The following LOC400499 variants were observed in gnomAD, a reference collection of about 807,000 sequenced individuals.
At chr16:11,478,420 G>A in the LOC400499 span, 26 of 397,924 alleles carry the variant, frequency 6.5e-5, no homozygotes, top group Non-Finnish European at 7.1e-5. Context: ...GGAGGTAAAC[G>A]GAAGAGCTGG....
the LOC400499 span, among the ~76,000 whole-genome samples, chr16:11,374,179 G>C: frequency 6.6e-6 from 1 of 152,184 alleles, no homozygotes; most frequent in Non-Finnish European, 1.5e-5. Context: ...CTGTGGGTCT[G>C]TGTCTATTGC....
the LOC400499 span, among the ~76,000 whole-genome samples, chr16:11,495,059 A>G: frequency 1.3e-5 from 2 of 152,066 alleles, no homozygotes; most frequent in African/African-American, 4.8e-5. Flanking sequence ...AAACACAAAA[A>G]TTAGCCGAGC....
the LOC400499 span, among the ~76,000 whole-genome samples, chr16:11,444,499 C>T: frequency 3.9e-5 from 6 of 152,160 alleles, no homozygotes; most frequent in African/African-American, 1.4e-4. Flanking sequence ...CAGCCACGCC[C>T]GTTCATTACG....
chr16:11,424,846 G>C, the LOC400499 span, among the ~76,000 whole-genome samples: 1 of 152,164 alleles, frequency 6.6e-6, no homozygotes, highest in Non-Finnish European at 1.5e-5. Context: ...AGCTGTCCCA[G>C]GGAATTGGGG....
At chr16:11,422,286 C>T in the LOC400499 span, among the ~76,000 whole-genome samples, 1 of 152,108 alleles carries the variant, frequency 6.6e-6, no homozygotes, top group Non-Finnish European at 1.5e-5. Context: ...CCTGTAATCC[C>T]ACCTACCTGG....
the LOC400499 span, among the ~76,000 whole-genome samples, chr16:11,393,912 C>G: frequency 6.6e-6 from 1 of 152,152 alleles, no homozygotes. Context: ...AACCCTGTCT[C>G]TACCAAAAAT....
chr16:11,493,447 G>A, the LOC400499 span, among the ~76,000 whole-genome samples: 1 of 152,154 alleles, frequency 6.6e-6, no homozygotes, highest in Non-Finnish European at 1.5e-5. Flanking sequence ...ATATGGTTGT[G>A]TTTTTGATAA....
At chr16:11,448,068 C>A in the LOC400499 span, 28 of 1,534,496 alleles carry the variant, frequency 1.8e-5, 1 homozygote, top group Admixed American at 5.3e-4. Context: ...CCTGGGTCTT[C>A]CGGGGCTGCA....
the LOC400499 span, among the ~76,000 whole-genome samples, chr16:11,492,748 G>A: frequency 0.012 from 1,786 of 151,106 alleles, 16 homozygotes; most frequent in Non-Finnish European, 0.017. Context: ...TGGTGACACC[G>A]CACTCCAGCC....
chr16:11,456,457 C>G, the LOC400499 span, among the ~76,000 whole-genome samples: 1 of 152,100 alleles, frequency 6.6e-6, no homozygotes, highest in Non-Finnish European at 1.5e-5. Flanking sequence ...TCTGAGCCTG[C>G]AGGATAACGA....
chr16:11,433,700 G>C, the LOC400499 span, among the ~76,000 whole-genome samples: 1 of 152,116 alleles, frequency 6.6e-6, no homozygotes, highest in Non-Finnish European at 1.5e-5. Flanking sequence ...AAGGGGAGAG[G>C]GGCTAGAGGT....
the LOC400499 span, chr16:11,449,002 G>T: frequency 2.0e-5 from 30 of 1,524,498 alleles, no homozygotes; most frequent in East Asian, 6.4e-4. Context: ...TTACGGTCCC[G>T]GCTGTTCTCA....
chr16:11,423,550 A>C, the LOC400499 span, among the ~76,000 whole-genome samples: 1 of 152,262 alleles, frequency 6.6e-6, no homozygotes, highest in Admixed American at 6.5e-5. Flanking sequence ...CACGCAAGTC[A>C]GGGAAAGAGG....
At chr16:11,472,888 G>C in the LOC400499 span, 1 of 152,114 alleles carries the variant, frequency 6.6e-6, no homozygotes, top group African/African-American at 2.4e-5. Context: ...AGAACTGTGG[G>C]AGGCCAAGGC....
the LOC400499 span, chr16:11,391,727 G>A: frequency 1.6e-6 from 2 of 1,232,160 alleles, no homozygotes; most frequent in African/African-American, 1.6e-5. Flanking sequence ...AAAGAGGCAG[G>A]TGCTGGGTCA....
At chr16:11,493,060 G>A in the LOC400499 span, among the ~76,000 whole-genome samples, 108 of 152,310 alleles carry the variant, frequency 7.1e-4, no homozygotes, top group East Asian at 0.018. Flanking sequence ...AAAGGGCAAT[G>A]TGCTGGGGAG....
chr16:11,430,372 C>A, the LOC400499 span, among the ~76,000 whole-genome samples: 5 of 152,040 alleles, frequency 3.3e-5, no homozygotes, highest in African/African-American at 1.2e-4. Flanking sequence ...TTCCTGTAAT[C>A]CAAGCTACTC....
chr16:11,460,245 G>A, the LOC400499 span, among the ~76,000 whole-genome samples: 1 of 152,134 alleles, frequency 6.6e-6, no homozygotes, highest in African/African-American at 2.4e-5. Context: ...CACCCAGACT[G>A]GAGTACAGTG....
the LOC400499 span, among the ~76,000 whole-genome samples, chr16:11,451,117 G>A: frequency 6.6e-6 from 1 of 152,190 alleles, no homozygotes; most frequent in Non-Finnish European, 1.5e-5. Context: ...AGGTATCCAT[G>A]TCTACAATTT....
Sources: allele counts gnomAD v4.1 joint callset (sites outside exome capture counted in the v4.1 genomes callset), GRCh38; gene constraint gnomAD v4.1.1; transcripts MANE v1.5.